The following DENND1B variants were observed in gnomAD, a reference collection of about 807,000 sequenced individuals.
DENND1B encodes DENN domain containing 1B.
DENND1B carries 59 observed loss-of-function variants against 90.1 expected under a neutral mutation model. The ratio of observed to expected loss-of-function variants is 0.65; its 90% CI spans 0.53 to 0.81. DENND1B has a LOEUF of 0.81. Among genes scored for constraint, DENND1B ranks in the 40% least tolerant of loss-of-function variants. DENND1B has a pLI of 0.00. For missense variants in DENND1B, 862 were observed against 912.6 expected (o/e 0.94, Z 0.71); for synonymous variants, 337 against 324.6 (o/e 1.04, Z -0.41).
At chr1:197,521,388 TG>T (rs1244942747) in intron 20 of DENND1B, among the ~76,000 whole-genome samples, 2 of 151,850 alleles carry the variant, frequency 1.3e-5, no homozygotes, top group East Asian at 3.9e-4. Context: ...TTTAAATTCC[TG>T]GGGTTTGGGA....
chr1:197,735,600 T>C, intron 2 of DENND1B: 1 of 1,614,188 alleles, frequency 6.2e-7, no homozygotes, highest in African/African-American at 1.3e-5. Context: ...AAATACAGGT[T>C]GGGGCCATCT....
At chr1:197,553,694 G>A (rs989947878) in intron 15 of DENND1B, among the ~76,000 whole-genome samples, 1 of 152,024 alleles carries the variant, frequency 6.6e-6, no homozygotes. Context: ...AAGCATAATA[G>A]AGCACCAAAT....
At chr1:197,760,379 G>A (rs1654884741) in intron 2 of DENND1B, among the ~76,000 whole-genome samples, 2 of 152,096 alleles carry the variant, frequency 1.3e-5, no homozygotes, top group Admixed American at 6.5e-5. Context: ...GCCAGTCATA[G>A]TGGCTCACAC....
chr1:197,737,841 T>C (rs955109858), intron 2 of DENND1B, among the ~76,000 whole-genome samples: 1 of 152,130 alleles, frequency 6.6e-6, no homozygotes, highest in Non-Finnish European at 1.5e-5. Flanking sequence ...ACAATACACA[T>C]CTCCCTTTAG....
At chr1:197,727,534 CAAA>C (rs371522158) in intron 2 of DENND1B, among the ~76,000 whole-genome samples, 1 of 110,374 alleles carries the variant, frequency 9.1e-6, no homozygotes, top group Non-Finnish European at 1.9e-5. Flanking sequence ...GACTCCTTCT[CAAA>C]AAAAAAAAAA....
At chr1:197,577,382 C>G (rs1358428811) in intron 15 of DENND1B, among the ~76,000 whole-genome samples, 1 of 152,018 alleles carries the variant, frequency 6.6e-6, no homozygotes, top group Non-Finnish European at 1.5e-5. Context: ...ATACAGCCAC[C>G]CCCCATACTC....
intron 20 of DENND1B, among the ~76,000 whole-genome samples, chr1:197,536,139 T>TGA (rs34670774): frequency 1.2e-3 from 143 of 121,944 alleles, no homozygotes; most frequent in Middle Eastern, 4.2e-3. Flanking sequence ...AGAGAGAGAT[T>TGA]GAGAGAGAGA....
chr1:197,771,932 C>T (rs771809182), intron 2 of DENND1B, among the ~76,000 whole-genome samples: 40 of 152,168 alleles, frequency 2.6e-4, no homozygotes, highest in Non-Finnish European at 5.3e-4. Flanking sequence ...ATGCACAATA[C>T]ACAATATGAC....
chr1:197,545,799 C>T (rs986538517), intron 18 of DENND1B, 123 bp downstream of exon 18: 2 of 811,548 alleles, frequency 2.5e-6, no homozygotes, highest in Non-Finnish European at 1.9e-6. Context: ...CAATATTAAT[C>T]CTAATTTTTT....
chr1:197,672,289 A>C, intron 4 of DENND1B, 133 bp from the exon 5 acceptor site: 3 of 1,089,182 alleles, frequency 2.8e-6, no homozygotes, highest in Non-Finnish European at 3.8e-6. Context: ...AGCTAGAACT[A>C]TGTTCTAAAA....
rs141263972 is a variant in DENND1B at position 197,701,389 on chromosome 1, T to A, written c.126+13642A>T. On this transcript the variant is annotated intron_variant, in intron 3 of 22. Coordinates refer to ENST00000620048, the MANE Select transcript of DENND1B (RefSeq NM_001195215.2). The stretch of plus-strand genomic sequence containing the variant: ...GTGGGAGTTGAACAATGAGAATACA[T>A]GGATACAGAAAGGGGGACAACACAC... Among the ~76,000 whole-genome samples the A allele has an allele frequency of 4.4e-3, 666 of 152,128 alleles. 1 individual carries two copies. Among genetic ancestry groups the A allele is most frequent in the African/African-American group, 0.015 (631 of 41,506 alleles).
intron 3 of DENND1B, among the ~76,000 whole-genome samples, chr1:197,698,990 G>A (rs1571404430): frequency 6.6e-6 from 1 of 152,134 alleles, no homozygotes; most frequent in South Asian, 2.1e-4. Context: ...ATACAAAGAG[G>A]AGCTGGTACC....
intron 2 of DENND1B, among the ~76,000 whole-genome samples, chr1:197,720,673 G>A (rs1032772864): frequency 6.6e-6 from 1 of 152,060 alleles, no homozygotes; most frequent in African/African-American, 2.4e-5. Flanking sequence ...ATTTTTCCTT[G>A]GCACAGACTC....
At chr1:197,582,521 G>T (rs1297245886) in intron 15 of DENND1B, among the ~76,000 whole-genome samples, 1 of 152,106 alleles carries the variant, frequency 6.6e-6, no homozygotes, top group African/African-American at 2.4e-5. Context: ...TTTGTATACA[G>T]AAACTAAGAC....
At chr1:197,767,788 GATTC>G (rs1655877100) in intron 2 of DENND1B, among the ~76,000 whole-genome samples, 1 of 152,074 alleles carries the variant, frequency 6.6e-6, no homozygotes, top group Admixed American at 6.5e-5. Context: ...AATTATATTG[GATTC>G]ATTAATTTTA....
rs1677222840 is a variant in DENND1B, at chr1:197,611,987, A to AAT, written c.774-13_774-12dup. The AAT allele has an allele frequency of 1.3e-6, 2 of 1,592,466 alleles. No homozygotes were observed. The highest frequency in any genetic ancestry group is 1.4e-5 in the African/African-American group (1 of 73,940). ...TATGGCATTGGGGCACTAAATTAAA[A>AAT]ATATATATATGCATAGATTCATATA... is the stretch of plus-strand genomic sequence containing the variant. On this transcript the variant is annotated splice_polypyrimidine_tract_variant and intron_variant, in intron 11 of 22. Coordinates refer to ENST00000620048, the MANE Select transcript of DENND1B (RefSeq NM_001195215.2).
At chr1:197,690,224 T>C in intron 3 of DENND1B, 1 of 287,634 alleles carries the variant, frequency 3.5e-6, no homozygotes, top group South Asian at 4.8e-5. Flanking sequence ...ATACTCGTCA[T>C]GGCAATGTTG....
intron 15 of DENND1B, among the ~76,000 whole-genome samples, chr1:197,564,270 A>G (rs1313264195): frequency 6.6e-6 from 1 of 151,806 alleles, no homozygotes; most frequent in Non-Finnish European, 1.5e-5. Flanking sequence ...TGAAGGTAGG[A>G]GTCAATTGAT....
chr1:197,648,768 C>T (rs1652769518), intron 7 of DENND1B, among the ~76,000 whole-genome samples: 1 of 152,110 alleles, frequency 6.6e-6, no homozygotes. Context: ...CTCTTTCCCC[C>T]AATTCTTTCA....
Sources: gnomAD v4.1 joint callset for allele counts (sites outside exome capture counted in the v4.1 genomes callset) on GRCh38, gnomAD v4.1.1 for gene constraint, MANE v1.5 for transcripts, NCBI Gene and HGNC (gene_info 2026-07-23, HGNC 2026-07-21) for gene names.